ADCY9: variants seen among roughly 807,000 people sequenced by gnomAD.
The protein encoded by ADCY9 is adenylate cyclase 9.
ADCY9 carries 50 observed loss-of-function variants against 101.5 expected under a neutral mutation model. The ratio of observed to expected loss-of-function variants is 0.49; its 90% CI spans 0.39 to 0.62. The LOEUF (loss-of-function observed/expected upper bound fraction) is 0.62, where lower values mean the gene tolerates loss of function less well. ADCY9 is among the 20% of genes least tolerant of loss of function. The probability of loss-of-function intolerance (pLI) is 0.00; values close to 1 mark genes in which losing one functional copy is unlikely to be tolerated. For missense variants in ADCY9, 1,662 were observed against 1,800.4 expected (o/e 0.92, Z 1.39); for synonymous variants, 905 against 769.3 (o/e 1.18, Z -2.92).
Position 3,979,270 on chromosome 16 carries a change from A to G in ADCY9, c.2525T>C (p.Val842Ala), listed in dbSNP as rs187903829. Residue 842 changes from valine to alanine, a missense_variant, in exon 8 of 11, where the codon GTG (valine) becomes GCG (alanine). By Grantham distance (64) the Val-to-Ala change is moderately conservative (BLOSUM62 0). This residue lies in a region of ADCY9 where 624 missense variants were observed against 639.1 expected (regional missense o/e 0.98). Transcript: ENST00000294016. Reference protein sequence around the residue: ...VLSLAVSIRMVFFLEDVMACT... With the variant: ...VLSLAVSIRMAFFLEDVMACT... Reference sequence around the variant, plus strand: ...GGCCATGACGTCCTCCAGGAAGAACACCATCCTGCGAGAGGCATGGGGGTT... The same window carrying G: ...GGCCATGACGTCCTCCAGGAAGAACGCCATCCTGCGAGAGGCATGGGGGTT... 9 of 1,613,618 alleles carry G rather than the reference A, an allele frequency of 5.6e-6. No individual in the cohort carries two copies. Among genetic ancestry groups the G allele is most frequent in the East Asian group, 2.2e-5 (1 of 44,868 alleles).
Position 3,965,542 on chromosome 16 carries a change from TGCTGAACG to T in ADCY9, c.*225_*232del, listed in dbSNP as rs535908008. ...CTGAAGGCACTTGTTCTCCACCACG[TGCTGAACG>T]GATGACCCAGAGGCAGCGGGGTTTC... On this transcript the variant is annotated 3_prime_UTR_variant, in exon 11 of 11. Transcript: ENST00000294016. The T allele has an allele frequency of 3.8e-3, 2,225 of 580,060 alleles. 4 individuals carry two copies. Among genetic ancestry groups the T allele is most frequent in the Admixed American group, 5.4e-3 (177 of 32,568 alleles). 35.9% of individuals were successfully genotyped at this position (580,060 alleles called of 1,614,324 possible).
chr16:4,115,649 G>A lies in ADCY9; in HGVS notation c.-44+41C>T, dbSNP rs998243699. 64 of 583,436 alleles carry A rather than the reference G, an allele frequency of 1.1e-4. No homozygotes were observed. Among genetic ancestry groups the A allele is most frequent in the African/African-American group, 1.1e-3 (56 of 53,316 alleles). The allele number at this position is 583,436 out of a possible 1,614,324, so 36.1% of individuals were successfully genotyped here. ...CAGCGGTGCTCCCACCGCCCCCACC[G>A]CCCCCACCTTCGAGGCGCACGAGAA... On this transcript the variant is annotated intron_variant, in intron 1 of 10. Coordinates refer to ENST00000294016, the MANE Select transcript of ADCY9 (RefSeq NM_001116.4). The surrounding 1 kb of genome is among the most constrained non-coding windows in gnomAD (Gnocchi z 6.2).
chr16:4,100,919 C>A (rs113064449), intron 2 of ADCY9, among the ~76,000 whole-genome samples: 18 of 152,146 alleles, frequency 1.2e-4, no homozygotes, highest in African/African-American at 4.3e-4. Flanking sequence ...AGGGTAAATG[C>A]AGAGAGCTAA....
chr16:4,075,804 T>G (rs1204952111), intron 2 of ADCY9, among the ~76,000 whole-genome samples: 2 of 151,744 alleles, frequency 1.3e-5, no homozygotes, highest in Non-Finnish European at 2.9e-5. Flanking sequence ...CTACTGGATC[T>G]TGTAAGGTGG....
intron 6 of ADCY9, 185 bp from the exon 7 acceptor site, chr16:3,983,625 G>C (rs2056165255): frequency 1.7e-6 from 1 of 599,190 alleles, no homozygotes; most frequent in East Asian, 2.8e-5. Flanking sequence ...CCAAGGCACA[G>C]AGAAGTTAAA....
rs541525446 is a variant in ADCY9, at chr16:3,955,250, C to T, written c.568-1734G>A. ...AAAAAAAAAAAGTAGTTGGACCAGGCGAGGTGGCTCACGCCTGTCATCCCA... is the reference window on the plus strand; with the variant it reads ...AAAAAAAAAAAGTAGTTGGACCAGGTGAGGTGGCTCACGCCTGTCATCCCA... On this transcript the variant is annotated intron_variant, in intron 5 of 5. Transcript: ENST00000576936. Among the ~76,000 whole-genome samples, 124 of 151,568 alleles carry T rather than the reference C, an allele frequency of 8.2e-4. 1 individual carries two copies. The highest frequency in any genetic ancestry group is 7.5e-3 in the South Asian group (36 of 4,782).
chr16:4,071,588 T>C (rs960614522), intron 2 of ADCY9, among the ~76,000 whole-genome samples: 9 of 152,098 alleles, frequency 5.9e-5, no homozygotes, highest in Non-Finnish European at 1.0e-4. Context: ...TTATCCCTGG[T>C]AGAAATGGGG....
chr16:3,960,586 C>G (rs987391513), downstream of ADCY9, among the ~76,000 whole-genome samples: 1 of 152,128 alleles, frequency 6.6e-6, no homozygotes, highest in Non-Finnish European at 1.5e-5. Context: ...TGCATTTTTT[C>G]TGGACAAAGT....
chr16:4,110,422 G>C (rs2057106732), intron 2 of ADCY9, among the ~76,000 whole-genome samples: 1 of 132,890 alleles, frequency 7.5e-6, no homozygotes, highest in Non-Finnish European at 1.5e-5. Context: ...TCTCGCCTAG[G>C]CTGTCGCCCA....
intron 2 of ADCY9, among the ~76,000 whole-genome samples, chr16:4,104,829 G>A (rs2057065593): frequency 6.6e-6 from 1 of 152,094 alleles, no homozygotes; most frequent in Non-Finnish European, 1.5e-5. Context: ...GATTTCTGTT[G>A]TGTACATTTT....
chr16:4,056,330 C>G (rs959953444), intron 2 of ADCY9, among the ~76,000 whole-genome samples: 16 of 152,224 alleles, frequency 1.1e-4, no homozygotes, highest in African/African-American at 3.6e-4. Context: ...TCTCAGCTCA[C>G]TGTAACCTCC....
chr16:3,998,583 C>T (rs1176968350), intron 3 of ADCY9, among the ~76,000 whole-genome samples: 1 of 151,314 alleles, frequency 6.6e-6, no homozygotes, highest in Admixed American at 6.6e-5. Context: ...GTGGTGCACA[C>T]CTGTAGTTTC....
chr16:4,103,656 C>T (rs2057057953), intron 2 of ADCY9, among the ~76,000 whole-genome samples: 1 of 152,110 alleles, frequency 6.6e-6, no homozygotes, highest in Admixed American at 6.6e-5. Context: ...ATGGCGAAAC[C>T]CCGTCTCTAC....
intron 2 of ADCY9, among the ~76,000 whole-genome samples, chr16:4,097,884 A>G (rs2057018513): frequency 6.6e-6 from 1 of 152,138 alleles, no homozygotes; most frequent in South Asian, 2.1e-4. Flanking sequence ...ATCAGCAAAT[A>G]TTATCACACA....
chr16:4,049,214 G>A (rs1048804400), intron 2 of ADCY9, among the ~76,000 whole-genome samples: 5 of 152,336 alleles, frequency 3.3e-5, no homozygotes, highest in Admixed American at 1.3e-4. Context: ...CACGCACAGC[G>A]TGGGCATCCT....
At chr16:3,996,714 C>G (rs2056289468) in intron 3 of ADCY9, among the ~76,000 whole-genome samples, 2 of 152,216 alleles carry the variant, frequency 1.3e-5, no homozygotes, top group South Asian at 4.1e-4. Flanking sequence ...CATTAAAGTT[C>G]ATCTGGTAAT....
At chr16:4,077,521 G>A (rs940237241) in intron 2 of ADCY9, among the ~76,000 whole-genome samples, 1 of 151,824 alleles carries the variant, frequency 6.6e-6, no homozygotes, top group African/African-American at 2.4e-5. Flanking sequence ...CCACACACAC[G>A]CACACAGGTA....
intron 9 of ADCY9, among the ~76,000 whole-genome samples, chr16:3,977,170 C>T (rs2056099030): frequency 6.6e-6 from 1 of 152,250 alleles, no homozygotes; most frequent in Non-Finnish European, 1.5e-5. Context: ...GTCCTACTTT[C>T]TTAGATTCCA....
intron 2 of ADCY9, among the ~76,000 whole-genome samples, chr16:4,077,987 A>C (rs1015645909): frequency 6.9e-6 from 1 of 145,336 alleles, no homozygotes; most frequent in African/African-American, 2.5e-5. Flanking sequence ...CAATAAAGTG[A>C]GACTCTGCTT....
Sources: allele counts gnomAD v4.1 joint callset (sites outside exome capture counted in the v4.1 genomes callset), GRCh38; gene constraint gnomAD v4.1.1; regional missense constraint gnomAD v4.1.1; non-coding constraint Gnocchi (gnomAD v3.1); transcripts MANE v1.5; gene names NCBI Gene and HGNC (gene_info 2026-07-23, HGNC 2026-07-21).